The following CACNA1A variants were observed in gnomAD, a reference collection of about 807,000 sequenced individuals.
The protein encoded by CACNA1A is calcium voltage-gated channel subunit alpha1 A.
CACNA1A carries 57 observed loss-of-function variants against 262.4 expected under a neutral mutation model. That is an observed-to-expected ratio of 0.22 (90% CI 0.18 to 0.27). The LOEUF (loss-of-function observed/expected upper bound fraction) is 0.27. CACNA1A is among the 10% of genes least tolerant of loss of function. The pLI is 1.00. For missense variants in CACNA1A, 2,526 were observed against 3,562.8 expected, an observed-to-expected ratio of 0.71 and a Z score of 7.41; for synonymous variants, 1,431 against 1,419.3, an observed-to-expected ratio of 1.01 and a Z score of -0.18.
chr19:13,446,378 A>G (rs1055637598), intron 3 of CACNA1A, among the ~76,000 whole-genome samples: 3 of 149,992 alleles, frequency 2.0e-5, no homozygotes, highest in Non-Finnish European at 4.4e-5. Context: ...TTTCTCTACC[A>G]TTGACATTGG....
intron 38 of CACNA1A, among the ~76,000 whole-genome samples, chr19:13,222,290 C>T (rs1458344734): frequency 6.6e-6 from 1 of 152,164 alleles, no homozygotes; most frequent in African/African-American, 2.4e-5. Flanking sequence ...GATCCACCCA[C>T]CTCGGCCTCC....
intron 3 of CACNA1A, among the ~76,000 whole-genome samples, chr19:13,378,618 T>A (rs1402518599): frequency 6.6e-6 from 1 of 151,976 alleles, no homozygotes; most frequent in African/African-American, 2.4e-5. Context: ...AAGGCTCAGA[T>A]GATTGTTAAC....
At chr19:13,376,034 G>T (rs916861413) in intron 3 of CACNA1A, among the ~76,000 whole-genome samples, 5 of 152,206 alleles carry the variant, frequency 3.3e-5, no homozygotes, top group African/African-American at 1.2e-4. Flanking sequence ...AAGACTGAGA[G>T]AGGTGGGGAA....
At chr19:13,427,453 A>AAAAT (rs58681300) in intron 3 of CACNA1A, among the ~76,000 whole-genome samples, 45,094 of 135,958 alleles carry the variant, frequency 0.33, 8,002 homozygotes, top group Middle Eastern at 0.41. Context: ...ACTCCATCTC[A>AAAAT]AAATAAATAA....
At chr19:13,397,599 G>A (rs1428124824) in intron 3 of CACNA1A, among the ~76,000 whole-genome samples, 1 of 151,414 alleles carries the variant, frequency 6.6e-6, no homozygotes, top group South Asian at 2.1e-4. Context: ...AGTGGGCGCC[G>A]CCATGTACGC....
intron 5 of CACNA1A, 114 bp from the exon 6 acceptor site, chr19:13,359,913 G>C (rs981390439): frequency 1.6e-6 from 1 of 638,804 alleles, no homozygotes; most frequent in Non-Finnish European, 2.6e-6. Flanking sequence ...TGGGACAAAC[G>C]TGATCAGTCT....
intron 37 of CACNA1A, 71 bp from the exon 38 acceptor site, chr19:13,224,843 C>T: frequency 8.9e-7 from 1 of 1,123,428 alleles, no homozygotes; most frequent in East Asian, 2.6e-5. Flanking sequence ...GCCGCGCCCG[C>T]CCCTACCCAG....
At chr19:13,368,756 T>TAACA (rs1435898660) in intron 4 of CACNA1A, among the ~76,000 whole-genome samples, 38 of 148,138 alleles carry the variant, frequency 2.6e-4, no homozygotes, top group African/African-American at 9.5e-4. Flanking sequence ...ATGTGGGTGC[T>TAACA]GGCCGGGCGC....
intron 36 of CACNA1A, 173 bp downstream of exon 36, chr19:13,229,909 C>T: frequency 1.4e-6 from 1 of 691,400 alleles, no homozygotes; most frequent in Non-Finnish European, 2.3e-6. Context: ...CGTGTTTAAT[C>T]TGGGGTATGC....
intron 3 of CACNA1A, among the ~76,000 whole-genome samples, chr19:13,414,659 T>G (rs77597488): frequency 0.017 from 2,641 of 152,008 alleles, 75 homozygotes; most frequent in African/African-American, 0.059. Context: ...GAGAACACAC[T>G]CAAGAAATAG....
intron 43 of CACNA1A, chr19:13,211,869 G>T (rs778428130): frequency 2.0e-6 from 1 of 511,626 alleles, no homozygotes; most frequent in African/African-American, 1.9e-5. Context: ...ACTGCCCTCT[G>T]CCCCAGGGGG....
chr19:13,472,732 G>A (rs761343084), intron 1 of CACNA1A, among the ~76,000 whole-genome samples: 62 of 152,160 alleles, frequency 4.1e-4, no homozygotes, highest in Admixed American at 8.5e-4. Flanking sequence ...CAAAGGGCCT[G>A]TAGTAGGTTA....
intron 6 of CACNA1A, among the ~76,000 whole-genome samples, chr19:13,336,425 A>C (rs2058565660): frequency 6.6e-6 from 1 of 152,100 alleles, no homozygotes; most frequent in Admixed American, 6.5e-5. Flanking sequence ...AATCACAAAA[A>C]ATTCTCAGAA....
At chr19:13,397,513 G>T (rs936927138) in intron 3 of CACNA1A, among the ~76,000 whole-genome samples, 3 of 152,214 alleles carry the variant, frequency 2.0e-5, no homozygotes, top group Admixed American at 2.0e-4. Context: ...TTGATTCTCA[G>T]TGAGGACCCA....
At chr19:13,224,887 G>T in intron 37 of CACNA1A, 115 bp from the exon 38 acceptor site, 1 of 694,930 alleles carries the variant, frequency 1.4e-6, no homozygotes, top group East Asian at 2.8e-5. Flanking sequence ...AGCTGTGGCG[G>T]CTGAGGTGTC....
intron 1 of CACNA1A, among the ~76,000 whole-genome samples, chr19:13,505,320 G>A (rs1468793387): frequency 2.6e-5 from 4 of 152,066 alleles, no homozygotes; most frequent in Middle Eastern, 3.4e-3. Flanking sequence ...GCCCACCCTG[G>A]GGTACTCACT....
At chr19:13,319,142 G>A (rs143262904) in intron 10 of CACNA1A, among the ~76,000 whole-genome samples, 10 of 152,050 alleles carry the variant, frequency 6.6e-5, no homozygotes, top group East Asian at 1.9e-4. Context: ...CGATCCTCCC[G>A]CCTCAGCGTC....
chr19:13,250,062 A>AT (rs577478712), intron 30 of CACNA1A, among the ~76,000 whole-genome samples: 388 of 143,368 alleles, frequency 2.7e-3, no homozygotes, highest in African/African-American at 4.4e-3. Flanking sequence ...CTTCACCTTA[A>AT]TTTTTTTTTT....
At chr19:13,291,458 G>A (rs546521248) in intron 19 of CACNA1A, among the ~76,000 whole-genome samples, 6 of 151,894 alleles carry the variant, frequency 4.0e-5, no homozygotes, top group African/African-American at 1.4e-4. Context: ...GTTACCCAGA[G>A]TTACCCAGCT....
Sources: gnomAD v4.1 joint callset for allele counts (sites outside exome capture counted in the v4.1 genomes callset) on GRCh38, gnomAD v4.1.1 for gene constraint, MANE v1.5 for transcripts, NCBI Gene and HGNC (gene_info 2026-07-23, HGNC 2026-07-21) for gene names.